Variants in GPHN observed in about 807,000 individuals in gnomAD.
GPHN encodes the protein gephyrin.
Under a neutral mutation model 95.5 loss-of-function variants are expected in GPHN, and 17 were observed. That is an observed-to-expected ratio of 0.18 (90% CI 0.12 to 0.27). The LOEUF (loss-of-function observed/expected upper bound fraction) is 0.27, where lower values mean the gene tolerates loss of function less well. GPHN is among the 10% of genes least tolerant of loss of function. The pLI, the probability that GPHN is intolerant of heterozygous loss-of-function variation, is 1.00. For missense variants in GPHN, 660 were observed against 978.1 expected, an observed-to-expected ratio of 0.67 and a Z score of 4.34; for synonymous variants, 320 against 322.5, an observed-to-expected ratio of 0.99 and a Z score of 0.08.
intron 4 of GPHN, among the ~76,000 whole-genome samples, chr14:66,839,602 A>G (rs117263805): frequency 2.6e-5 from 4 of 152,314 alleles, no homozygotes; most frequent in Admixed American, 1.3e-4. Flanking sequence ...TGAATATTGT[A>G]TAACTATAAT....
intron 1 of GPHN, among the ~76,000 whole-genome samples, chr14:66,582,945 C>T (rs1240362442): frequency 2.0e-5 from 3 of 152,044 alleles, no homozygotes; most frequent in Admixed American, 6.5e-5. Context: ...TTCTAAATCC[C>T]TGAGGAATCG....
chr14:66,894,043 C>T (rs2153542506), intron 5 of GPHN, among the ~76,000 whole-genome samples: 1 of 152,254 alleles, frequency 6.6e-6, no homozygotes, highest in South Asian at 2.1e-4. Flanking sequence ...CAAAAAACAG[C>T]CCACATTGCC....
the GPHN span, among the ~76,000 whole-genome samples, chr14:67,439,533 G>GTTTGTTTC: frequency 1.0e-5 from 1 of 96,144 alleles, no homozygotes; most frequent in South Asian, 3.5e-4. Context: ...AAATTCAATA[G>GTTTGTTTC]TTTCTTTCTT....
At chr14:67,668,485 A>G in the GPHN span, among the ~76,000 whole-genome samples, 2 of 152,338 alleles carry the variant, frequency 1.3e-5, no homozygotes, top group African/African-American at 4.8e-5. Context: ...TGTTGTTTTA[A>G]TAGGTGGAAT....
chr14:67,128,352 G>A (rs988676827), intron 17 of GPHN, among the ~76,000 whole-genome samples: 4 of 151,808 alleles, frequency 2.6e-5, no homozygotes, highest in Non-Finnish European at 4.4e-5. Context: ...TGCCTCCCGG[G>A]TTCAAGTGAT....
intron 2 of GPHN, among the ~76,000 whole-genome samples, chr14:66,697,007 G>T (rs1595587546): frequency 6.6e-6 from 1 of 152,054 alleles, no homozygotes; most frequent in East Asian, 1.9e-4. Context: ...TGTCAATTTT[G>T]TGGGAAAGTA....
At chr14:67,389,345 C>T in the GPHN span, among the ~76,000 whole-genome samples, 2 of 151,984 alleles carry the variant, frequency 1.3e-5, no homozygotes, top group Non-Finnish European at 2.9e-5. Context: ...GAGTCCTGTC[C>T]TGGATAGGAG....
At chr14:66,521,565 T>C (rs756198733) in intron 1 of GPHN, among the ~76,000 whole-genome samples, 22 of 152,188 alleles carry the variant, frequency 1.4e-4, no homozygotes, top group Non-Finnish European at 2.5e-4. Flanking sequence ...CACTAGCAGA[T>C]CTGGTCTGGT....
the GPHN span, chr14:67,388,175 G>T: frequency 8.3e-7 from 1 of 1,204,856 alleles, no homozygotes; most frequent in Admixed American, 1.7e-5. Flanking sequence ...CTGAGGTGCA[G>T]GAGGGAGGCC....
intron 2 of GPHN, among the ~76,000 whole-genome samples, chr14:66,687,486 GTTTT>G (rs1200775448): frequency 4.0e-5 from 5 of 124,944 alleles, no homozygotes; most frequent in Non-Finnish European, 8.4e-5. Context: ...ATTTTATTTG[GTTTT>G]TTTTTTTTTT....
At position 67,172,381 on chromosome 14, in the gene GPHN, C is replaced by T. The variant is rs527854451; in HGVS notation, c.2079+3345C>T. 3.3e-5 allele frequency among the ~76,000 whole-genome samples: 5 copies of T among 152,276 alleles called. No individual in the cohort carries two copies. The East Asian group carries it at 9.7e-4, about 29-fold the overall frequency. The stretch of plus-strand genomic sequence containing the variant: ...GTACTAGCCTAAGTTGAGCCAGCAC[C>T]CAGCATCCCAGGAAATGATGCTTTT... On this transcript the variant is annotated intron_variant, in intron 21 of 22. Coordinates refer to ENST00000478722, the MANE Select transcript of GPHN (RefSeq NM_020806.5).
intron 4 of GPHN, among the ~76,000 whole-genome samples, chr14:66,850,340 A>C (rs190955679): frequency 2.0e-5 from 3 of 152,272 alleles, no homozygotes; most frequent in Admixed American, 1.3e-4. Context: ...AATTAATATG[A>C]ATTATATTTG....
At chr14:67,113,554 G>C (rs954898334) in intron 16 of GPHN, among the ~76,000 whole-genome samples, 22 of 152,136 alleles carry the variant, frequency 1.4e-4, no homozygotes, top group Non-Finnish European at 3.1e-4. Context: ...GAAATGATGA[G>C]CTACTTCTGT....
the GPHN span, among the ~76,000 whole-genome samples, chr14:67,202,228 G>A: frequency 6.6e-6 from 1 of 152,168 alleles, no homozygotes; most frequent in Non-Finnish European, 1.5e-5. Context: ...ATCACCCGAG[G>A]TCAGGAGTTC....
chr14:67,581,299 CAA>C, the GPHN span, among the ~76,000 whole-genome samples: 1 of 151,746 alleles, frequency 6.6e-6, no homozygotes, highest in South Asian at 2.1e-4. Flanking sequence ...CACACACACA[CAA>C]ACATCTGCCA....
chr14:67,503,044 G>A, the GPHN span, among the ~76,000 whole-genome samples: 110,690 of 151,936 alleles, frequency 0.73, 42,145 homozygotes, highest in Non-Finnish European at 0.85. Context: ...AGAGCCTTGC[G>A]TAAGTTAGCA....
the GPHN span, among the ~76,000 whole-genome samples, chr14:67,300,477 G>A: frequency 9.9e-5 from 15 of 151,944 alleles, no homozygotes; most frequent in Admixed American, 2.0e-4. Flanking sequence ...ACAGGCACAC[G>A]CCACCACGCC....
At chr14:67,530,654 T>C in the GPHN span, among the ~76,000 whole-genome samples, 4 of 152,190 alleles carry the variant, frequency 2.6e-5, no homozygotes, top group East Asian at 5.8e-4. Flanking sequence ...TTAATGTGCT[T>C]GAGGGATGCT....
At chr14:67,278,229 G>T in the GPHN span, among the ~76,000 whole-genome samples, 1 of 151,956 alleles carries the variant, frequency 6.6e-6, no homozygotes, top group African/African-American at 2.4e-5. Flanking sequence ...TAGTAGAGAC[G>T]GGGTTTTGCC....
Sources: allele counts gnomAD v4.1 joint callset (sites outside exome capture counted in the v4.1 genomes callset), GRCh38; gene constraint gnomAD v4.1.1; transcripts MANE v1.5; gene names NCBI Gene and HGNC (gene_info 2026-07-23, HGNC 2026-07-21).